The following ITGB8 variants were observed in gnomAD, a reference collection of about 807,000 sequenced individuals.
The protein encoded by ITGB8 is integrin beta-8.
A neutral mutation model predicts 89.5 loss-of-function variants in ITGB8; 30 were observed. The observed-to-expected ratio is 0.34, with a 90% CI of 0.25 to 0.45. The LOEUF is 0.45. ITGB8 is among the 20% of genes least tolerant of loss of function. The pLI is 1.00. For missense variants in ITGB8, 836 were observed against 933.3 expected (o/e 0.90, Z 1.36); for synonymous variants, 335 against 320.4 (o/e 1.05, Z -0.49).
At chr7:20,378,234 G>C (rs2127958586) in intron 3 of ITGB8, among the ~76,000 whole-genome samples, 1 of 152,252 alleles carries the variant, frequency 6.6e-6, no homozygotes, top group African/African-American at 2.4e-5. Context: ...TTCCCTGCGG[G>C]GACTACCGAC....
intron 12 of ITGB8, among the ~76,000 whole-genome samples, chr7:20,409,260 A>C (rs1787671064): frequency 6.6e-6 from 1 of 152,244 alleles, no homozygotes; most frequent in Non-Finnish European, 1.5e-5. Flanking sequence ...ACGTACCACA[A>C]AAACTAGTCC....
intron 1 of ITGB8, among the ~76,000 whole-genome samples, chr7:20,361,808 G>C (rs1785514129): frequency 1.3e-5 from 2 of 152,170 alleles, no homozygotes; most frequent in Admixed American, 6.5e-5. Flanking sequence ...TTTAGGCTAA[G>C]GAATTTTCAT....
chr7:20,378,610 T>C (rs113723167), intron 3 of ITGB8, among the ~76,000 whole-genome samples: 2,885 of 152,336 alleles, frequency 0.019, 48 homozygotes, highest in Non-Finnish European at 0.027. Context: ...ATCACCTTTT[T>C]TTAAAGATAC....
At chr7:20,362,085 C>T (rs1182582040) in intron 1 of ITGB8, among the ~76,000 whole-genome samples, 1 of 152,118 alleles carries the variant, frequency 6.6e-6, no homozygotes, top group African/African-American at 2.4e-5. Context: ...TCCATACTAC[C>T]CCAGTTAGCA....
chr7:20,352,030 T>C (rs1785133032), intron 1 of ITGB8, among the ~76,000 whole-genome samples: 1 of 152,208 alleles, frequency 6.6e-6, no homozygotes, highest in Admixed American at 6.5e-5. Flanking sequence ...TTGGCTTTTA[T>C]AGAAAGGGAG....
At chr7:20,378,690 C>T (rs762654888) in intron 3 of ITGB8, among the ~76,000 whole-genome samples, 38 of 152,152 alleles carry the variant, frequency 2.5e-4, no homozygotes, top group Admixed American at 5.2e-4. Context: ...ATGCCGCTTG[C>T]TGGTTTGCAC....
chr7:20,381,272 C>T lies in ITGB8; in HGVS notation c.801+441C>T, dbSNP rs189291817. 648 of 156,074 alleles carry T rather than the reference C, an allele frequency of 4.2e-3. 3 individuals are homozygous for T. The highest frequency in any genetic ancestry group is 6.8e-3 in the Non-Finnish European group (481 of 70,666). The allele number at this position is 156,074 out of a possible 1,614,324, so 9.7% of individuals were successfully genotyped here. A position where few individuals can be genotyped will look rare whatever the true frequency, so the allele number is the denominator to read the frequency against. Reference sequence around the variant, plus strand: ...CCGCCTCCCGGGTTCACGCCATTCTCCTGCCTCAGCCTCCCGAGCAGCTGG... The same window carrying T: ...CCGCCTCCCGGGTTCACGCCATTCTTCTGCCTCAGCCTCCCGAGCAGCTGG... On this transcript the variant is annotated intron_variant, in intron 5 of 13. Transcript: ENST00000222573.
intron 10 of ITGB8, among the ~76,000 whole-genome samples, chr7:20,402,459 T>A (rs765477606): frequency 6.6e-5 from 10 of 152,222 alleles, no homozygotes; most frequent in Admixed American, 5.2e-4. Flanking sequence ...ATCAGAGTAT[T>A]CTTCTAGAAG....
chr7:20,395,079 G>A (rs1251258415), intron 8 of ITGB8, 94 bp downstream of exon 8: 3 of 706,546 alleles, frequency 4.2e-6, no homozygotes, highest in East Asian at 2.7e-5. Context: ...TCGAGAGGAG[G>A]AGTAGAAAGC....
At chr7:20,332,632 G>A (rs1784445019) in intron 1 of ITGB8, among the ~76,000 whole-genome samples, 1 of 152,202 alleles carries the variant, frequency 6.6e-6, no homozygotes, top group Admixed American at 6.5e-5. Flanking sequence ...AATGTGGAGA[G>A]GTTAACTCTT....
intron 1 of ITGB8, among the ~76,000 whole-genome samples, chr7:20,354,468 A>G (rs1166323440): frequency 1.3e-5 from 2 of 152,190 alleles, no homozygotes; most frequent in Non-Finnish European, 2.9e-5. Flanking sequence ...GTTTATCTGC[A>G]AGTAAGAGGG....
chr7:20,354,689 C>A (rs1785230725), intron 1 of ITGB8, among the ~76,000 whole-genome samples: 1 of 152,090 alleles, frequency 6.6e-6, no homozygotes. Context: ...CAGCCATGTT[C>A]CAGGCAGAAA....
chr7:20,407,243 T>C (rs1409790176), intron 12 of ITGB8, among the ~76,000 whole-genome samples: 1 of 106,706 alleles, frequency 9.4e-6, no homozygotes, highest in Non-Finnish European at 2.2e-5. Context: ...ATAGCAAGCA[T>C]ACTCATCTCT....
At chr7:20,381,315 A>C (rs974248550) in intron 5 of ITGB8, 1 of 155,600 alleles carries the variant, frequency 6.4e-6, no homozygotes, top group Non-Finnish European at 1.4e-5. Flanking sequence ...GGCGCCCGCC[A>C]CCACACCCGG....
rs184808753 is a variant in ITGB8, at chr7:20,391,394, T to G, written c.961-9T>G. On this transcript the variant is annotated splice_polypyrimidine_tract_variant and intron_variant, in intron 6 of 13. Transcript: ENST00000222573. ...TTCATTCCCTTATTTATTTTATTAT[T>G]CATTACAGGAACACCCCTCACTAGG... is the stretch of plus-strand genomic sequence containing the variant. The G allele has an allele frequency of 5.2e-3, 7,580 of 1,455,208 alleles. 47 individuals are homozygous for G. The highest frequency in any genetic ancestry group is 9.0e-3 in the South Asian group (738 of 81,596). The allele number at this position is 1,455,208 out of a possible 1,614,324, so 90.1% of individuals were successfully genotyped here.
intron 6 of ITGB8, among the ~76,000 whole-genome samples, chr7:20,387,542 C>T (rs997673092): frequency 3.3e-5 from 5 of 152,148 alleles, no homozygotes; most frequent in Non-Finnish European, 5.9e-5. Flanking sequence ...TTTCAGAGCC[C>T]CTGCTGGTGG....
At chr7:20,390,387 T>G (rs984598358) in intron 6 of ITGB8, among the ~76,000 whole-genome samples, 1 of 152,094 alleles carries the variant, frequency 6.6e-6, no homozygotes, top group Non-Finnish European at 1.5e-5. Context: ...TAGAAGAGTA[T>G]TTATAGAAAA....
At position 20,414,222 on chromosome 7, in the gene ITGB8, A is replaced by G. The variant is rs2127991162; in HGVS notation, c.*4225A>G. On this transcript the variant is annotated 3_prime_UTR_variant, in exon 14 of 14. Transcript: ENST00000222573. Reference sequence around the variant, plus strand: ...ATAAAGATTTGAGAGCCCATTTATGACAAAATATGAAGGCGAAATTTAAGG... The same window carrying G: ...ATAAAGATTTGAGAGCCCATTTATGGCAAAATATGAAGGCGAAATTTAAGG... The G allele has an allele frequency of 6.6e-6, 1 of 152,274 alleles. No individual in the cohort carries two copies. 9.4% of individuals were successfully genotyped at this position (152,274 alleles called of 1,614,324 possible).
At position 20,361,563 on chromosome 7, in the gene ITGB8, G is replaced by A. The variant is rs147781451; in HGVS notation, c.128-2074G>A. ...CCATTCAGAAGGGTGGGGCCCTCAT[G>A]ATCTAATCACCTCCTAAAGGCCCCA... On this transcript the variant is annotated intron_variant, in intron 1 of 13. Coordinates refer to ENST00000222573, the MANE Select transcript of ITGB8 (RefSeq NM_002214.3). Among the ~76,000 whole-genome samples, 19 of 152,264 alleles carry A rather than the reference G, an allele frequency of 1.2e-4. No homozygotes were observed. In the East Asian group the frequency reaches 2.7e-3, roughly 22 times the overall value.
Sources: allele counts gnomAD v4.1 joint callset (sites outside exome capture counted in the v4.1 genomes callset), GRCh38; gene constraint gnomAD v4.1.1; transcripts MANE v1.5; gene names NCBI Gene and HGNC (gene_info 2026-07-23, HGNC 2026-07-21).